PLXNB2: variants seen among roughly 807,000 people sequenced by gnomAD.
PLXNB2 encodes plexin-B2.
Under a neutral mutation model 202.6 loss-of-function variants are expected in PLXNB2, and 85 were observed. That is an observed-to-expected ratio of 0.42 (90% CI 0.35 to 0.50). The LOEUF is 0.50. PLXNB2 is among the 20% of genes least tolerant of loss of function. The probability of loss-of-function intolerance (pLI) is 0.02; values close to 1 mark genes in which losing one functional copy is unlikely to be tolerated. For synonymous variants in PLXNB2, 1,239 were observed against 1,137.6 expected, an observed-to-expected ratio of 1.09 and a Z score of -1.79; for missense variants, 2,063 against 2,586.2, an observed-to-expected ratio of 0.80 and a Z score of 4.39.
rs1337332745 is a variant in PLXNB2 at position 50,305,061 on chromosome 22, A to G, written c.-74+2492T>C. Among the ~76,000 whole-genome samples, 5 of 152,338 alleles carry G rather than the reference A, an allele frequency of 3.3e-5. No individual in the cohort carries two copies. The East Asian group carries it at 9.6e-4, about 29-fold the overall frequency. ...CCCTCGTGGCAGAGGCCTGGCATCCAAGTGCCTGCCTAGCTCAGAGAAGGC... is the reference window on the plus strand; with the variant it reads ...CCCTCGTGGCAGAGGCCTGGCATCCGAGTGCCTGCCTAGCTCAGAGAAGGC... On this transcript the variant is annotated intron_variant, in intron 1 of 36. Transcript: ENST00000359337.
rs375994997 is a variant in PLXNB2, at chr22:50,281,346, G to A, written c.3662+14C>T. ...AGGGCTCAGGGTGTTGGCACAGCCG[G>A]GGGGCGGGCTCACCAGTAGCAGTAG... On this transcript the variant is annotated intron_variant, in intron 22 of 36. Coordinates refer to ENST00000359337, the MANE Select transcript of PLXNB2 (RefSeq NM_012401.4). 1.9e-6 allele frequency: 3 copies of A among 1,611,286 alleles called. No homozygotes were observed. Among genetic ancestry groups the A allele is most frequent in the Non-Finnish European group, 2.5e-6 (3 of 1,179,432 alleles).
rs765508447 is a variant in PLXNB2, at chr22:50,289,774, T to C, written c.811A>G (p.Ile271Val). The change falls in exon 3 of 37, where the codon ATC becomes GTC. Residue 271 changes from isoleucine (I) to valine (V), a missense_variant. Transcript: ENST00000359337. The surrounding 1 kb of genome is among the most constrained non-coding windows in gnomAD (Gnocchi z 8.0). ...EMDLQCRDPDIHAAAFGTCLA... is the reference protein window; with the variant it reads ...EMDLQCRDPDVHAAAFGTCLA... Reference sequence around the variant, plus strand: ...CAGGTGCCAAAGGCAGCGGCGTGGATGTCGGGGTCCCGGCACTGCAGGTCC... The same window carrying C: ...CAGGTGCCAAAGGCAGCGGCGTGGACGTCGGGGTCCCGGCACTGCAGGTCC... 1.2e-6 allele frequency: 2 copies of C among 1,612,994 alleles called. No individual in the cohort carries two copies. The highest frequency in any genetic ancestry group is 3.3e-5 in the Admixed American group (2 of 60,034).
chr22:50,298,576 G>A (rs962707362), intron 1 of PLXNB2, among the ~76,000 whole-genome samples: 4 of 152,230 alleles, frequency 2.6e-5, no homozygotes, highest in Admixed American at 6.5e-5. Flanking sequence ...GCTGCACTGC[G>A]GGGTGGTTCC....
In PLXNB2 at chr22:50,280,954, C is replaced by T. The variant is rs762298446; in HGVS notation, c.3783G>A (p.Glu1261=). ...CCTCGTGCACGTCGTTGGTCTGGTC[C>T]TCCATCTCGATCATCAGGTCTGGGG... ...KEFTDLMIEM[E]DQTNDVHEAG... is the part of the protein sequence containing the mutation. Residue 1261 remains glutamate, a synonymous_variant, in exon 24 of 37, where the codon GAG becomes GAA. Coordinates refer to ENST00000359337, the MANE Select transcript of PLXNB2 (RefSeq NM_012401.4). The T allele has an allele frequency of 2.2e-5, 36 of 1,613,202 alleles. No homozygotes were observed. Among genetic ancestry groups the T allele is most frequent in the Admixed American group, 6.7e-5 (4 of 59,974 alleles).
Position 50,281,639 on chromosome 22 carries a change from T to C in PLXNB2, c.3449A>G (p.Glu1150Gly). 6.2e-7 allele frequency: 1 copy of C among 1,605,078 alleles called. No homozygotes were observed. Among genetic ancestry groups the C allele is most frequent in the Non-Finnish European group, 8.5e-7 (1 of 1,175,500 alleles). The change falls in exon 21 of 37, where the codon GAG becomes GGG. Residue 1150 changes from glutamate (E) to glycine (G), a missense_variant. Glu to Gly is a moderately conservative substitution (Grantham distance 98, BLOSUM62 -2). Transcript: ENST00000359337. ...KTLTETDLYC[E>G]PPEVQPPPKR... The stretch of plus-strand genomic sequence containing the variant: ...GGGCGGGGGCTGCACCTCCGGGGGC[T>C]CACAGTACAGGTCGGTCTCCGTCAG...
intron 33 of PLXNB2, 78 bp from the exon 34 acceptor site, chr22:50,276,984 C>A (rs1473975845): frequency 5.8e-6 from 6 of 1,036,466 alleles, no homozygotes; most frequent in Non-Finnish European, 8.7e-6. Context: ...GGGTAGCTTC[C>A]CCTGCCCCGA....
intron 1 of PLXNB2, among the ~76,000 whole-genome samples, chr22:50,304,474 G>A (rs2067815471): frequency 1.3e-5 from 2 of 152,200 alleles, no homozygotes; most frequent in African/African-American, 4.8e-5. Context: ...CCAGAACAGT[G>A]CAGGGTCCTT....
rs990220500 is a variant in PLXNB2, at chr22:50,290,685, C to A, written c.-13-88G>T. The A allele has an allele frequency of 3.7e-6, 5 of 1,366,384 alleles. No individual in the cohort carries two copies. The African/African-American group carries it at 4.4e-5, about 12-fold the overall frequency. 84.6% of individuals were successfully genotyped at this position (1,366,384 alleles called of 1,614,324 possible). ...CCAGTCCCTGCCCCAAACGTCAGAACATGGGAGAGAGGGTCACGCCACTCC... is the reference window on the plus strand; with the variant it reads ...CCAGTCCCTGCCCCAAACGTCAGAAAATGGGAGAGAGGGTCACGCCACTCC... On this transcript the variant is annotated intron_variant, in intron 2 of 36. Coordinates refer to ENST00000359337, the MANE Select transcript of PLXNB2 (RefSeq NM_012401.4).
chr22:50,296,017 G>A (rs1274095392), intron 1 of PLXNB2, among the ~76,000 whole-genome samples: 3 of 152,020 alleles, frequency 2.0e-5, no homozygotes, highest in Admixed American at 6.6e-5. Context: ...CAAGATAATC[G>A]CTTGAACCTG....
Position 50,286,001 on chromosome 22 carries a change from G to A in PLXNB2, c.1975C>T (p.Arg659Cys), listed in dbSNP as rs1477987303. The stretch of plus-strand genomic sequence containing the variant: ...CCGAGGCCCCTCACCATGTGGGCAC[G>A]GACGATGCCGTCCTCAGGGTTGGGC... ...ASPNPEDGIV[R>C]AHMEDSCPQF... The change falls in exon 10 of 37, where the codon CGT becomes TGT. Residue 659 changes from arginine to cysteine, a missense_variant. Coordinates refer to ENST00000359337, the MANE Select transcript of PLXNB2 (RefSeq NM_012401.4). 7.4e-6 allele frequency: 12 copies of A among 1,612,196 alleles called. No homozygotes were observed. Among genetic ancestry groups the A allele is most frequent in the Admixed American group, 1.7e-5 (1 of 59,996 alleles).
chr22:50,293,968 A>G (rs1204725521), intron 2 of PLXNB2, among the ~76,000 whole-genome samples: 1 of 152,190 alleles, frequency 6.6e-6, no homozygotes, highest in Admixed American at 6.5e-5. Context: ...GGCTGGGGTG[A>G]CACCCTACAG....
chr22:50,300,976 G>A (rs1300767244), intron 1 of PLXNB2, among the ~76,000 whole-genome samples: 1 of 152,204 alleles, frequency 6.6e-6, no homozygotes. Flanking sequence ...CATGCCCAAG[G>A]GGCCTGCCCC....
At chr22:50,278,088 G>C in intron 31 of PLXNB2, 29 bp downstream of exon 31, 1 of 1,602,524 alleles carries the variant, frequency 6.2e-7, no homozygotes, top group Non-Finnish European at 8.5e-7. Flanking sequence ...TGGCGGCCTG[G>C]TGCCGCCCAC....
intron 27 of PLXNB2, 102 bp from the exon 28 acceptor site, chr22:50,279,113 ACCC>A: frequency 7.8e-7 from 1 of 1,288,814 alleles, no homozygotes; most frequent in Non-Finnish European, 1.1e-6. Flanking sequence ...CCACAGCGGC[ACCC>A]TTGGGCAGCA....
At chr22:50,298,656 C>T (rs1190131358) in intron 1 of PLXNB2, among the ~76,000 whole-genome samples, 1 of 152,174 alleles carries the variant, frequency 6.6e-6, no homozygotes, top group African/African-American at 2.4e-5. Context: ...CCATTCTTTT[C>T]TTTTTTCTGA....
chr22:50,304,990 A>G (rs1025255630), intron 1 of PLXNB2, among the ~76,000 whole-genome samples: 4 of 152,184 alleles, frequency 2.6e-5, no homozygotes, highest in Non-Finnish European at 5.9e-5. Context: ...AGCCAGAGGG[A>G]CGGAGGCATG....
chr22:50,292,154 G>A (rs1410674932), intron 2 of PLXNB2, among the ~76,000 whole-genome samples: 6 of 152,060 alleles, frequency 3.9e-5, no homozygotes, highest in Admixed American at 2.6e-4. Context: ...TGGCCAACAT[G>A]GTGAAACCCC....
At chr22:50,279,439 A>G (rs1280935357) in intron 27 of PLXNB2, among the ~76,000 whole-genome samples, 191 bp downstream of exon 27, 1 of 152,124 alleles carries the variant, frequency 6.6e-6, no homozygotes, top group Non-Finnish European at 1.5e-5. Context: ...CCGCACACTT[A>G]GAGCCTCCAG....
rs781106994 is a variant in PLXNB2 at position 50,286,179 on chromosome 22, T to C, written c.1871A>G (p.Asn624Ser). ...ATGGGCACAAGACACTCACGGCAGG[T>C]TCTCCTCCAGGCTCATGGCCTGGCG... ...DCRQAMSLEENLPCISCVSNR... is the reference protein window; with the variant it reads ...DCRQAMSLEESLPCISCVSNR... Residue 624 changes from asparagine to serine, a missense_variant, in exon 9 of 37, where the codon AAC (asparagine) becomes AGC (serine). Physicochemically the swap from Asn to Ser is conservative, Grantham distance 46 (BLOSUM62 1). Transcript: ENST00000359337. 3.7e-6 allele frequency: 6 copies of C among 1,612,632 alleles called. No individual in the cohort carries two copies. Among genetic ancestry groups the C allele is most frequent in the Non-Finnish European group, 5.1e-6 (6 of 1,179,480 alleles).
Sources: allele counts gnomAD v4.1 joint callset (sites outside exome capture counted in the v4.1 genomes callset), GRCh38; gene constraint gnomAD v4.1.1; non-coding constraint Gnocchi (gnomAD v3.1); transcripts MANE v1.5; gene names NCBI Gene and HGNC (gene_info 2026-07-23, HGNC 2026-07-21).